The following SCEL variants were observed in gnomAD, a reference collection of about 807,000 sequenced individuals.
SCEL encodes the protein sciellin.
Under a neutral mutation model 117.6 loss-of-function variants are expected in SCEL, and 113 were observed. The observed-to-expected ratio is 0.96, with a 90% confidence interval of 0.83 to 1.12. SCEL has a LOEUF of 1.12. SCEL is among the 50% of genes most tolerant of loss of function. The probability of loss-of-function intolerance (pLI) is 0.00; values close to 1 mark genes in which losing one functional copy is unlikely to be tolerated. For missense variants in SCEL, 785 were observed against 810.8 expected, an observed-to-expected ratio of 0.97 and a Z score of 0.39; for synonymous variants, 270 against 256.2, an observed-to-expected ratio of 1.05 and a Z score of -0.51.
chr13:77,596,799 G>A (rs940647524), intron 12 of SCEL, among the ~76,000 whole-genome samples: 20 of 151,850 alleles, frequency 1.3e-4, no homozygotes, highest in African/African-American at 3.9e-4. Flanking sequence ...GAAACCAATA[G>A]CACTGTGGTG....
intron 26 of SCEL, 36 bp from the exon 27 acceptor site, chr13:77,617,968 C>T: frequency 6.2e-7 from 1 of 1,603,768 alleles, no homozygotes; most frequent in South Asian, 1.1e-5. Context: ...AAATCTATTA[C>T]CAATCTGAAC....
At chr13:77,568,241 A>T in intron 6 of SCEL, 54 bp from the exon 7 acceptor site, 9 of 1,127,280 alleles carry the variant, frequency 8.0e-6, no homozygotes, top group Non-Finnish European at 1.2e-5. Context: ...TTCCAAATAG[A>T]TGCAAATGTT....
intron 5 of SCEL, among the ~76,000 whole-genome samples, chr13:77,566,864 G>C (rs1193944361): frequency 6.6e-6 from 1 of 152,208 alleles, no homozygotes; most frequent in South Asian, 2.1e-4. Context: ...GGCAGATAAC[G>C]TATCTGCCCA....
chr13:77,596,754 G>A (rs976632958), intron 12 of SCEL, among the ~76,000 whole-genome samples: 2 of 151,442 alleles, frequency 1.3e-5, no homozygotes, highest in East Asian at 1.9e-4. Flanking sequence ...AGAAAAGTTG[G>A]AGAAAGGACA....
At chr13:77,619,408 A>G (rs549618489) in intron 27 of SCEL, among the ~76,000 whole-genome samples, 1 of 152,324 alleles carries the variant, frequency 6.6e-6, no homozygotes, top group Admixed American at 6.5e-5. Flanking sequence ...TTCAAGAAAG[A>G]AAGTACACCC....
intron 7 of SCEL, 49 bp from the exon 8 acceptor site, chr13:77,569,322 A>G (rs370993859): frequency 7.0e-6 from 10 of 1,423,480 alleles, no homozygotes; most frequent in Non-Finnish European, 9.9e-6. Flanking sequence ...GTAGGCTGAA[A>G]TGAAAAAGTT....
intron 29 of SCEL, among the ~76,000 whole-genome samples, chr13:77,636,709 A>G (rs1328966220): frequency 6.6e-6 from 1 of 152,142 alleles, no homozygotes; most frequent in Non-Finnish European, 1.5e-5. Context: ...CTTTTTCTAA[A>G]AGTTCAAGAA....
chr13:77,610,720 C>G (rs1302635589), intron 22 of SCEL, among the ~76,000 whole-genome samples: 1 of 152,154 alleles, frequency 6.6e-6, no homozygotes, highest in Non-Finnish European at 1.5e-5. Flanking sequence ...TCTAAGTAGC[C>G]TAAAGAAAGG....
chr13:77,583,759 G>A (rs1033406261), intron 9 of SCEL, among the ~76,000 whole-genome samples: 13 of 152,178 alleles, frequency 8.5e-5, no homozygotes, highest in Admixed American at 3.9e-4. Flanking sequence ...ATGATTCTGT[G>A]TTCAACCTAG....
At chr13:77,573,333 G>A (rs1258833027) in intron 9 of SCEL, among the ~76,000 whole-genome samples, 1 of 152,122 alleles carries the variant, frequency 6.6e-6, no homozygotes, top group Non-Finnish European at 1.5e-5. Context: ...GGTATCCAAA[G>A]ATGTTTTTAT....
At chr13:77,555,939 C>G (rs778251980) in intron 2 of SCEL, 21 bp downstream of exon 2, 1 of 1,607,436 alleles carries the variant, frequency 6.2e-7, no homozygotes, top group Admixed American at 1.7e-5. Context: ...TGATGTTTCT[C>G]TCACTCAGAA....
chr13:77,623,807 G>A (rs940092788), intron 27 of SCEL, among the ~76,000 whole-genome samples: 1 of 152,218 alleles, frequency 6.6e-6, no homozygotes, highest in African/African-American at 2.4e-5. Flanking sequence ...GCAGCCAGGA[G>A]TTGAAAGCCA....
At chr13:77,600,754 A>G (rs2087612993) in intron 15 of SCEL, among the ~76,000 whole-genome samples, 1 of 152,200 alleles carries the variant, frequency 6.6e-6, no homozygotes, top group Non-Finnish European at 1.5e-5. Flanking sequence ...ACAAAGGGCA[A>G]GGATTTATGA....
chr13:77,617,322 G>A (rs1332329633), intron 24 of SCEL, among the ~76,000 whole-genome samples: 1 of 152,058 alleles, frequency 6.6e-6, no homozygotes, highest in Non-Finnish European at 1.5e-5. Flanking sequence ...ATACATTCAA[G>A]AATGAACAAT....
rs2090716823 is a variant in SCEL, at chr13:77,644,833, G to A, written c.*559G>A. 1 of 152,312 alleles carries A rather than the reference G, an allele frequency of 6.6e-6. No homozygotes were observed. Among genetic ancestry groups the A allele is most frequent in the Admixed American group, 6.5e-5 (1 of 15,278 alleles). The allele number at this position is 152,312 out of a possible 1,614,324, so 9.4% of individuals were successfully genotyped here. Reference sequence around the variant, plus strand: ...ATTATTTGTAACACAAGGGGCATTGGATAAAATGATTTCTAGGGTTCCTTT... The same window carrying A: ...ATTATTTGTAACACAAGGGGCATTGAATAAAATGATTTCTAGGGTTCCTTT... On this transcript the variant is annotated 3_prime_UTR_variant, in exon 33 of 33. Coordinates refer to ENST00000349847, the MANE Select transcript of SCEL (RefSeq NM_144777.3).
intron 15 of SCEL, among the ~76,000 whole-genome samples, chr13:77,601,258 G>A (rs1323056365): frequency 6.6e-6 from 1 of 152,020 alleles, no homozygotes; most frequent in Non-Finnish European, 1.5e-5. Context: ...AGATCATTTT[G>A]TGGGCTGGGA....
rs542960413 is a variant in SCEL, at chr13:77,546,649, G to C, written c.-19-9208G>C. Among the ~76,000 whole-genome samples the C allele has an allele frequency of 1.7e-4, 26 of 151,614 alleles. No individual in the cohort carries two copies. The South Asian group carries it at 3.6e-3, about 21-fold the overall frequency. The stretch of plus-strand genomic sequence containing the variant: ...TGCTGCACGATGGCTTAGTGACATG[G>C]AGGAAGAGCATAAGGCTTGAGTAAC... On this transcript the variant is annotated intron_variant, in intron 1 of 32. Coordinates refer to ENST00000349847, the MANE Select transcript of SCEL (RefSeq NM_144777.3).
rs537704611 is a variant in SCEL at position 77,556,625 on chromosome 13, C to T, written c.73C>T (p.Arg25Trp). ...GAAGAGCACCACTCAGGGAACCACA[C>T]GGAAGCAGCAGGATTTTCACGAGGT... ...EMKSTTQGTT[R>W]KQQDFHEVNK... The change falls in exon 3 of 33, where the codon CGG becomes TGG. Residue 25 changes from arginine to tryptophan, a missense_variant. Physicochemically the swap from Arg to Trp is moderately radical, Grantham distance 101. Transcript: ENST00000349847. The T allele has an allele frequency of 8.7e-6, 14 of 1,613,878 alleles. No homozygotes were observed. The highest frequency in any genetic ancestry group is 6.6e-5 in the South Asian group (6 of 91,076).
intron 15 of SCEL, 66 bp downstream of exon 15, chr13:77,599,814 ACCT>A: frequency 1.8e-6 from 2 of 1,135,698 alleles, no homozygotes; most frequent in Non-Finnish European, 2.7e-6. Flanking sequence ...TCTGGAGGAG[ACCT>A]CCTGCTTAGT....
Sources: allele counts gnomAD v4.1 joint callset (sites outside exome capture counted in the v4.1 genomes callset), GRCh38; gene constraint gnomAD v4.1.1; transcripts MANE v1.5; gene names NCBI Gene and HGNC (gene_info 2026-07-23, HGNC 2026-07-21).